KLHL32: variants seen among roughly 807,000 people sequenced by gnomAD.
The protein encoded by KLHL32 is kelch-like protein 32.
A neutral mutation model predicts 64.8 loss-of-function variants in KLHL32; 35 were observed. The ratio of observed to expected loss-of-function variants is 0.54; its 90% CI spans 0.41 to 0.72. KLHL32 has a LOEUF of 0.72. KLHL32 is among the 30% of genes least tolerant of loss of function. The pLI is 0.00. For missense variants in KLHL32, 589 were observed against 768.5 expected (o/e 0.77, Z 2.76); for synonymous variants, 259 against 281.0 (o/e 0.92, Z 0.78).
At chr6:97,007,991 T>A (rs1779880634) in intron 3 of KLHL32, among the ~76,000 whole-genome samples, 1 of 152,100 alleles carries the variant, frequency 6.6e-6, no homozygotes. Context: ...CAATGCTCAG[T>A]GTGTATGTGA....
intron 5 of KLHL32, among the ~76,000 whole-genome samples, chr6:97,072,818 G>A (rs574552343): frequency 4.6e-5 from 7 of 151,966 alleles, no homozygotes; most frequent in Non-Finnish European, 4.4e-5. Context: ...TTAATTATGG[G>A]CAATCTTCTG....
In KLHL32 at chr6:97,016,743, C is replaced by T. The variant is rs543080390; in HGVS notation, c.205-24749C>T. Reference sequence around the variant, plus strand: ...CAGAATTATATGGTTTGGGCTGTGTCCCCAGCCAAATCTCATCTCGAATTG... The same window carrying T: ...CAGAATTATATGGTTTGGGCTGTGTTCCCAGCCAAATCTCATCTCGAATTG... On this transcript the variant is annotated intron_variant, in intron 3 of 10. Transcript: ENST00000369261. 2.0e-5 allele frequency among the ~76,000 whole-genome samples: 3 copies of T among 152,238 alleles called. No homozygotes were observed. In the East Asian group the frequency reaches 5.8e-4, roughly 29 times the overall value.
At chr6:97,050,351 C>T (rs992466856) in intron 4 of KLHL32, among the ~76,000 whole-genome samples, 3 of 152,208 alleles carry the variant, frequency 2.0e-5, no homozygotes, top group South Asian at 4.1e-4. Flanking sequence ...AAGGTTTATT[C>T]CTCACATAAT....
intron 5 of KLHL32, among the ~76,000 whole-genome samples, chr6:97,067,538 A>G (rs2128157892): frequency 6.6e-6 from 1 of 152,238 alleles, no homozygotes; most frequent in South Asian, 2.1e-4. Flanking sequence ...ATCTGTGGTA[A>G]CCCATGGCCC....
At chr6:96,942,282 T>A (rs1249847796) in intron 1 of KLHL32, among the ~76,000 whole-genome samples, 1 of 152,154 alleles carries the variant, frequency 6.6e-6, no homozygotes, top group African/African-American at 2.4e-5. Context: ...TCACCATCCT[T>A]TCCAGCTACT....
chr6:97,057,552 C>T (rs200765855), intron 4 of KLHL32, among the ~76,000 whole-genome samples: 1 of 138,034 alleles, frequency 7.2e-6, no homozygotes, highest in Non-Finnish European at 1.5e-5. Context: ...CTTTTACACC[C>T]CCCTCCCGCC....
intron 7 of KLHL32, 28 bp downstream of exon 7, chr6:97,114,537 C>T (rs1419077264): frequency 6.2e-7 from 1 of 1,609,932 alleles, no homozygotes; most frequent in Non-Finnish European, 8.5e-7. Flanking sequence ...TTGGATTTAT[C>T]AAAACACACT....
intron 5 of KLHL32, among the ~76,000 whole-genome samples, chr6:97,070,526 C>T (rs1379677687): frequency 6.6e-6 from 1 of 152,126 alleles, no homozygotes; most frequent in Non-Finnish European, 1.5e-5. Context: ...GAAGCGACAG[C>T]CCAGAGGCAC....
chr6:97,041,612 A>T lies in KLHL32; in HGVS notation c.312+13A>T. 5 of 1,496,652 alleles carry T rather than the reference A, an allele frequency of 3.3e-6. No homozygotes were observed. Among genetic ancestry groups the T allele is most frequent in the Non-Finnish European group, 4.7e-6 (5 of 1,073,130 alleles). 92.7% of individuals were successfully genotyped at this position (1,496,652 alleles called of 1,614,324 possible). On this transcript the variant is annotated intron_variant, in intron 4 of 10. Transcript: ENST00000369261. Reference sequence around the variant, plus strand: ...ATACACAGGACAGGTATGGTATTAAATGTGATCTGTAAAGTTTAACATTTC... The same window carrying T: ...ATACACAGGACAGGTATGGTATTAATTGTGATCTGTAAAGTTTAACATTTC...
Position 97,056,396 on chromosome 6 carries a change from G to C in KLHL32, c.313-8232G>C, listed in dbSNP as rs570979284. On this transcript the variant is annotated intron_variant, in intron 4 of 10. Coordinates refer to ENST00000369261, the MANE Select transcript of KLHL32 (RefSeq NM_052904.4). The stretch of plus-strand genomic sequence containing the variant: ...CTGGGATTACAAACGTGAGCCACCA[G>C]GCCCGGCCCACCAGCCTGCCTATTC... Among the ~76,000 whole-genome samples the C allele has an allele frequency of 2.6e-3, 394 of 151,946 alleles. 4 individuals carry two copies. The highest frequency in any genetic ancestry group is 5.3e-3 in the African/African-American group (221 of 41,396).
chr6:96,965,335 A>G (rs1010842114), intron 1 of KLHL32, among the ~76,000 whole-genome samples: 1 of 152,296 alleles, frequency 6.6e-6, no homozygotes, highest in South Asian at 2.1e-4. Context: ...TGATTCAACA[A>G]TTTTAGAAAA....
At chr6:97,031,659 A>G (rs1054250117) in intron 3 of KLHL32, among the ~76,000 whole-genome samples, 10 of 152,134 alleles carry the variant, frequency 6.6e-5, no homozygotes, top group African/African-American at 1.4e-4. Flanking sequence ...CTAAAACAGT[A>G]TGATGTGATG....
chr6:97,038,342 A>G (rs896607863), intron 3 of KLHL32, among the ~76,000 whole-genome samples: 4 of 152,044 alleles, frequency 2.6e-5, no homozygotes, highest in African/African-American at 9.6e-5. Context: ...AAAAAATCCA[A>G]TTTAAAAATG....
intron 6 of KLHL32, among the ~76,000 whole-genome samples, chr6:97,097,039 C>T (rs1324770564): frequency 2.0e-5 from 3 of 152,176 alleles, no homozygotes; most frequent in Admixed American, 2.0e-4. Flanking sequence ...CAGCTGATAA[C>T]CCTACCTGTG....
chr6:96,957,613 C>T (rs1443781489), intron 1 of KLHL32, among the ~76,000 whole-genome samples: 1 of 151,952 alleles, frequency 6.6e-6, no homozygotes, highest in Non-Finnish European at 1.5e-5. Flanking sequence ...GTTATAATTG[C>T]AGGTTAGGTT....
intron 8 of KLHL32, among the ~76,000 whole-genome samples, chr6:97,127,701 A>G (rs1040526120): frequency 8.5e-5 from 13 of 152,204 alleles, no homozygotes; most frequent in Admixed American, 2.0e-4. Context: ...AGAGTTCTGC[A>G]TAATATAGAA....
chr6:97,039,098 A>AAAAAAAAAAG (rs1237401247), intron 3 of KLHL32, among the ~76,000 whole-genome samples: 2 of 151,546 alleles, frequency 1.3e-5, no homozygotes, highest in Admixed American at 6.6e-5. Flanking sequence ...TCAAAAAAAA[A>AAAAAAAAAAG]AAAAAAAGAA....
intron 4 of KLHL32, among the ~76,000 whole-genome samples, chr6:97,061,075 A>T (rs1788807405): frequency 6.6e-6 from 1 of 152,118 alleles, no homozygotes; most frequent in Non-Finnish European, 1.5e-5. Context: ...GCACTGTCCA[A>T]CATCCCTCAT....
In KLHL32 at chr6:97,076,929, C is replaced by G. The variant is rs116051810; in HGVS notation, c.412-8197C>G. On this transcript the variant is annotated intron_variant, in intron 5 of 10. Transcript: ENST00000369261. ...GGAAAATCTATGTTTTTGCCATAAA[C>G]TAAGAAATAAAAGCAATAAAATTTG... is the stretch of plus-strand genomic sequence containing the variant. 4.6e-3 allele frequency among the ~76,000 whole-genome samples: 698 copies of G among 151,976 alleles called. 6 individuals carry two copies. Among genetic ancestry groups the G allele is most frequent in the African/African-American group, 0.016 (671 of 41,498 alleles).
Sources: gnomAD v4.1 joint callset for allele counts (sites outside exome capture counted in the v4.1 genomes callset) on GRCh38, gnomAD v4.1.1 for gene constraint, MANE v1.5 for transcripts, NCBI Gene and HGNC (gene_info 2026-07-23, HGNC 2026-07-21) for gene names.